Variants in DZIP3 observed in about 807,000 individuals in gnomAD.
The protein encoded by DZIP3 is DAZ interacting zinc finger protein 3.
A neutral mutation model predicts 162.0 loss-of-function variants in DZIP3; 118 were observed. The observed-to-expected ratio is 0.73, with a 90% CI of 0.63 to 0.85. The LOEUF (loss-of-function observed/expected upper bound fraction) is 0.85. DZIP3 is among the 40% of genes least tolerant of loss of function. DZIP3 has a pLI of 0.00. For missense variants in DZIP3, 1,331 were observed against 1,407.0 expected, an observed-to-expected ratio of 0.95 and a Z score of 0.86; for synonymous variants, 438 against 458.6, an observed-to-expected ratio of 0.96 and a Z score of 0.57.
At chr3:108,677,052 T>C (rs9818477) in intron 25 of DZIP3, among the ~76,000 whole-genome samples, 2,893 of 152,232 alleles carry the variant, frequency 0.019, 100 homozygotes, top group African/African-American at 0.066. Flanking sequence ...ATAAGTAATC[T>C]CTAAAATTTT....
chr3:108,691,481 A>G (rs1350413659), intron 32 of DZIP3: 2 of 152,100 alleles, frequency 1.3e-5, no homozygotes, highest in East Asian at 3.8e-4. Flanking sequence ...ATGGTAAGAA[A>G]CTGGAAGAAA....
chr3:108,639,880 G>C lies in DZIP3; in HGVS notation c.1064+2332G>C, dbSNP rs563175501. ...AGGTGAAAGTTTTGATCATTGATTCGAGACCTTTGTTCTTTATAAACTGAT... is the reference window on the plus strand; with the variant it reads ...AGGTGAAAGTTTTGATCATTGATTCCAGACCTTTGTTCTTTATAAACTGAT... On this transcript the variant is annotated intron_variant, in intron 12 of 32. Coordinates refer to ENST00000361582, the MANE Select transcript of DZIP3 (RefSeq NM_014648.4). Among the ~76,000 whole-genome samples, 4 of 151,694 alleles carry C rather than the reference G, an allele frequency of 2.6e-5. No individual in the cohort carries two copies. The East Asian group carries it at 7.7e-4, about 29-fold the overall frequency.
At chr3:108,619,302 ATGTGTGTGTG>A (rs35589891) in intron 5 of DZIP3, among the ~76,000 whole-genome samples, 1 of 148,126 alleles carries the variant, frequency 6.8e-6, no homozygotes, top group African/African-American at 2.5e-5. Flanking sequence ...ATATGTGTGT[ATGTGTGTGTG>A]TGTGTGTGTG....
At position 108,672,542 on chromosome 3, in the gene DZIP3, AATG is replaced by A. The variant is rs749023039; in HGVS notation, c.2493-15_2493-13del. ...GCTTGATGTAATATTGCGAGTCTTT[AATG>A]ATCATGTATTTCAGATCTCAGTGGG... On this transcript the variant is annotated splice_polypyrimidine_tract_variant and intron_variant, in intron 22 of 32. Transcript: ENST00000361582. 6.3e-7 allele frequency: 1 copy of A among 1,599,378 alleles called. No individual in the cohort carries two copies. The highest frequency in any genetic ancestry group is 1.1e-5 in the South Asian group (1 of 90,604).
intron 21 of DZIP3, among the ~76,000 whole-genome samples, chr3:108,667,386 A>C (rs1943729182): frequency 6.6e-6 from 1 of 152,188 alleles, no homozygotes; most frequent in African/African-American, 2.4e-5. Context: ...GAAAAAAGCC[A>C]GTTCCAAAAG....
Position 108,662,223 on chromosome 3 carries a change from C to A in DZIP3, c.2389C>A (p.Gln797Lys). 1 of 1,597,932 alleles carries A rather than the reference C, an allele frequency of 6.3e-7. No individual in the cohort carries two copies. Among genetic ancestry groups the A allele is most frequent in the South Asian group, 1.1e-5 (1 of 87,122 alleles). Residue 797 changes from glutamine (Q) to lysine (K), a missense_variant, in exon 21 of 33, where the codon CAA (glutamine) becomes AAA (lysine). Coordinates refer to ENST00000361582, the MANE Select transcript of DZIP3 (RefSeq NM_014648.4). ...KKDKIIASLN[Q>K]QVAFGINKVS... Reference sequence around the variant, plus strand: ...AGACAAAATTATCGCATCTCTTAATCAACAAGTTGCTTTTGGAATCAATAA... The same window carrying A: ...AGACAAAATTATCGCATCTCTTAATAAACAAGTTGCTTTTGGAATCAATAA...
intron 5 of DZIP3, among the ~76,000 whole-genome samples, 193 bp from the exon 6 acceptor site, chr3:108,624,251 C>A (rs927710607): frequency 2.0e-5 from 3 of 152,094 alleles, no homozygotes; most frequent in Non-Finnish European, 2.9e-5. Flanking sequence ...TATTGACTAT[C>A]CTCTTTCTTC....
Position 108,690,824 on chromosome 3 carries a change from C to G in DZIP3, c.3554C>G (p.Pro1185Arg), listed in dbSNP as rs768720534. The change falls in exon 32 of 33, where the codon CCA (proline) becomes CGA (arginine). Residue 1185 changes from proline to arginine, a missense_variant. Pro to Arg is a moderately radical substitution (Grantham distance 103, BLOSUM62 -2). This residue lies in a region of DZIP3 where 53 missense variants were observed against 89.9 expected (regional missense o/e 0.59). Coordinates refer to ENST00000361582, the MANE Select transcript of DZIP3 (RefSeq NM_014648.4). ...TGGTTGATGCAACAGGGGACATGTC[C>G]AACGTGCAGACTCCACGTTTTGCTA... The part of the protein sequence containing the change: ...RPWLMQQGTC[P>R]TCRLHVLLPE... The G allele has an allele frequency of 6.2e-7, 1 of 1,614,072 alleles. No homozygotes were observed. Among genetic ancestry groups the G allele is most frequent in the Non-Finnish European group, 8.5e-7 (1 of 1,179,968 alleles).
chr3:108,589,631 A>G, upstream of DZIP3: 1 of 346,616 alleles, frequency 2.9e-6, no homozygotes, highest in East Asian at 5.0e-5. Flanking sequence ...CTCGTCTGAG[A>G]GGCCGCGAGG....
chr3:108,634,155 T>C lies in DZIP3; in HGVS notation c.817-716T>C, dbSNP rs113589227. ...AAGGAGAAGACCAAGATCTATTCAATAGAATAAGACAGGGATTGAAAAGTG... is the reference window on the plus strand; with the variant it reads ...AAGGAGAAGACCAAGATCTATTCAACAGAATAAGACAGGGATTGAAAAGTG... On this transcript the variant is annotated intron_variant, in intron 9 of 32. Transcript: ENST00000361582. Among the ~76,000 whole-genome samples, 724 of 152,128 alleles carry C rather than the reference T, an allele frequency of 4.8e-3. 4 individuals are homozygous for C. The highest frequency in any genetic ancestry group is 0.016 in the African/African-American group (660 of 41,536).
intron 1 of DZIP3, among the ~76,000 whole-genome samples, chr3:108,600,358 TA>T (rs1396347346): frequency 6.7e-6 from 1 of 148,562 alleles, no homozygotes; most frequent in African/African-American, 2.5e-5. Context: ...TTTTTTTTTT[TA>T]AAGTCAAACC....
At chr3:108,634,615 G>A (rs1576392265) in intron 9 of DZIP3, among the ~76,000 whole-genome samples, 1 of 152,094 alleles carries the variant, frequency 6.6e-6, no homozygotes. Flanking sequence ...ATATTTTGTT[G>A]TACGTAGAAT....
Position 108,624,513 on chromosome 3 carries a change from GGAAA to G in DZIP3, c.452_455del (p.Lys151ArgfsTer12). The G allele has an allele frequency of 1.3e-6, 2 of 1,566,172 alleles. No homozygotes were observed. The highest frequency in any genetic ancestry group is 1.7e-6 in the Non-Finnish European group (2 of 1,147,084). On this transcript the variant is annotated frameshift_variant, in exon 6 of 33. Transcript: ENST00000361582. LOFTEE classifies it high-confidence loss of function. ...ATATGGAGTAGCACTCACTGAAAGA[GGAAA>G]GAAAGAGGTATGTAACATGTTATTT...
At position 108,654,185 on chromosome 3, in the gene DZIP3, C is replaced by G; in HGVS notation, c.2074C>G (p.Gln692Glu). Residue 692 changes from glutamine (Q) to glutamate (E), a missense_variant, in exon 19 of 33, where the codon CAA becomes GAA. This residue lies in a region of DZIP3 where 1,278 missense variants were observed against 1,317.1 expected (regional missense o/e 0.97). Coordinates refer to ENST00000361582, the MANE Select transcript of DZIP3 (RefSeq NM_014648.4). ...VEKEEQLRKE[Q>E]ANPHSVSRLI... is the part of the protein sequence containing the mutation. The stretch of plus-strand genomic sequence containing the variant: ...AAAGGAAGAGCAGTTGAGGAAAGAA[C>G]AAGCAAATCCACACTCAGTCAGTAG... The G allele has an allele frequency of 6.2e-7, 1 of 1,613,596 alleles. No homozygotes were observed. The highest frequency in any genetic ancestry group is 1.3e-5 in the African/African-American group (1 of 75,010).
At chr3:108,642,351 C>A in intron 12 of DZIP3, 87 bp from the exon 13 acceptor site, 4 of 1,305,846 alleles carry the variant, frequency 3.1e-6, no homozygotes, top group Non-Finnish European at 4.1e-6. Context: ...GATGAAAATA[C>A]TCACTTAGCC....
intron 25 of DZIP3, among the ~76,000 whole-genome samples, chr3:108,676,549 A>G (rs562674652): frequency 6.6e-6 from 1 of 151,908 alleles, no homozygotes; most frequent in Non-Finnish European, 1.5e-5. Context: ...GAATCTTTTT[A>G]TATTTATATA....
At chr3:108,677,068 C>T (rs1304337464) in intron 25 of DZIP3, among the ~76,000 whole-genome samples, 1 of 152,026 alleles carries the variant, frequency 6.6e-6, no homozygotes, top group African/African-American at 2.4e-5. Context: ...ATTTTTCCTT[C>T]CGTTTTTAAA....
chr3:108,660,645 A>C (rs1943377549), intron 19 of DZIP3, among the ~76,000 whole-genome samples: 1 of 152,180 alleles, frequency 6.6e-6, no homozygotes, highest in African/African-American at 2.4e-5. Context: ...AATGGGATCT[A>C]ATTAAACTAA....
intron 21 of DZIP3, among the ~76,000 whole-genome samples, chr3:108,666,890 GATT>G (rs1559771702): frequency 6.6e-6 from 1 of 152,114 alleles, no homozygotes; most frequent in African/African-American, 2.4e-5. Context: ...GCAGTGCTGA[GATT>G]ATAACACTAA....
Sources: gnomAD v4.1 joint callset for allele counts (sites outside exome capture counted in the v4.1 genomes callset) on GRCh38, gnomAD v4.1.1 for gene constraint, gnomAD v4.1.1 regional missense constraint, MANE v1.5 for transcripts, NCBI Gene and HGNC (gene_info 2026-07-23, HGNC 2026-07-21) for gene names.